ESRP1: variants seen among roughly 807,000 people sequenced by gnomAD.
ESRP1 encodes RNA-binding motif protein 35A.
Under a neutral mutation model 81.7 loss-of-function variants are expected in ESRP1, and 33 were observed. That is an observed-to-expected ratio of 0.40 (90% CI 0.31 to 0.54). The LOEUF is 0.54. Among genes scored for constraint, ESRP1 ranks in the 20% least tolerant of loss-of-function variants. The probability of loss-of-function intolerance (pLI) is 0.41; values close to 1 mark genes in which losing one functional copy is unlikely to be tolerated. For synonymous variants in ESRP1, 320 were observed against 303.3 expected (o/e 1.06, Z -0.57); for missense variants, 672 against 833.1 (o/e 0.81, Z 2.38).
chr8:94,659,070 A>G (rs1296025570), intron 4 of ESRP1, among the ~76,000 whole-genome samples: 1 of 152,048 alleles, frequency 6.6e-6, no homozygotes, highest in Non-Finnish European at 1.5e-5. Flanking sequence ...TATTTTGTAG[A>G]GATGGGGACT....
intron 4 of ESRP1, among the ~76,000 whole-genome samples, chr8:94,648,571 CT>C (rs1817956540): frequency 6.6e-6 from 1 of 152,206 alleles, no homozygotes; most frequent in Admixed American, 6.5e-5. Flanking sequence ...AAACATTTTC[CT>C]TGCCAATATG....
chr8:94,682,745 C>T (rs1010030062), intron 13 of ESRP1, among the ~76,000 whole-genome samples: 7 of 150,918 alleles, frequency 4.6e-5, no homozygotes, highest in African/African-American at 1.7e-4. Context: ...CACAAGTAGA[C>T]TGCGCATGCT....
At chr8:94,651,987 C>CTT (rs35903773) in intron 4 of ESRP1, among the ~76,000 whole-genome samples, 24,631 of 65,142 alleles carry the variant, frequency 0.38, 5,995 homozygotes, top group East Asian at 0.54. Flanking sequence ...TCTAAAACGC[C>CTT]TTTTTTTTTT....
intron 15 of ESRP1, among the ~76,000 whole-genome samples, chr8:94,701,106 T>C (rs1586268947): frequency 6.6e-6 from 1 of 150,712 alleles, no homozygotes; most frequent in South Asian, 2.1e-4. Context: ...AACCCTGTCT[T>C]TACTAAAAAT....
chr8:94,682,616 G>A (rs1210519471), intron 13 of ESRP1, among the ~76,000 whole-genome samples: 3 of 113,874 alleles, frequency 2.6e-5, no homozygotes, highest in Non-Finnish European at 6.2e-5. Flanking sequence ...ATCTTCCCAC[G>A]TCAGCCTCCC....
At chr8:94,689,088 T>C (rs1334328541) in intron 13 of ESRP1, among the ~76,000 whole-genome samples, 2 of 151,996 alleles carry the variant, frequency 1.3e-5, no homozygotes, top group African/African-American at 4.8e-5. Context: ...CTGTCTCTAC[T>C]AAAAATACAA....
chr8:94,687,845 A>G (rs1007859971), intron 13 of ESRP1, among the ~76,000 whole-genome samples: 7 of 152,074 alleles, frequency 4.6e-5, no homozygotes, highest in African/African-American at 1.7e-4. Flanking sequence ...TATTTTCTCC[A>G]ATTCTGTAGG....
chr8:94,660,341 G>A (rs1325503677), intron 4 of ESRP1, among the ~76,000 whole-genome samples: 1 of 152,194 alleles, frequency 6.6e-6, no homozygotes, highest in Non-Finnish European at 1.5e-5. Flanking sequence ...GTGACTCATG[G>A]CTGTAATCCC....
At chr8:94,667,380 C>A (rs1819081072) in intron 9 of ESRP1, among the ~76,000 whole-genome samples, 2 of 150,856 alleles carry the variant, frequency 1.3e-5, no homozygotes, top group Non-Finnish European at 2.9e-5. Context: ...AAGTAGGTAC[C>A]CCATATATTC....
At chr8:94,673,656 G>A (rs1349249261) in intron 11 of ESRP1, among the ~76,000 whole-genome samples, 3 of 152,190 alleles carry the variant, frequency 2.0e-5, no homozygotes, top group Non-Finnish European at 4.4e-5. Context: ...ATGTCTGTTA[G>A]TAATACCTGT....
At position 94,671,460 on chromosome 8, in the gene ESRP1, A is replaced by C; in HGVS notation, c.1241A>C (p.Asn414Thr). The C allele has an allele frequency of 6.2e-7, 1 of 1,612,640 alleles. No individual in the cohort carries two copies. Among genetic ancestry groups the C allele is most frequent in the Non-Finnish European group, 8.5e-7 (1 of 1,179,214 alleles). ...GTTTTGCTTTGAGTACAGGTGCTGA[A>C]TCGATTCTCCTCGGCCCCTCTCATT... ...STAAEVQQVL[N>T]RFSSAPLIPL... is the part of the protein sequence containing the mutation. Residue 414 changes from asparagine to threonine, a missense_variant, in exon 11 of 16, where the codon AAT becomes ACT. Asn to Thr is a moderately conservative substitution (Grantham distance 65). Transcript: ENST00000433389.
At chr8:94,671,696 CTT>C (rs1819337442) in intron 11 of ESRP1, 25 bp downstream of exon 11, 1 of 1,582,346 alleles carries the variant, frequency 6.3e-7, no homozygotes, top group Admixed American at 1.7e-5. Context: ...TAGTGGAAAA[CTT>C]ATTTGCTTTT....
intron 13 of ESRP1, among the ~76,000 whole-genome samples, chr8:94,682,651 G>A (rs1388439741): frequency 1.3e-5 from 2 of 151,430 alleles, no homozygotes; most frequent in African/African-American, 4.8e-5. Context: ...ACAGGTGTGA[G>A]CCACCATGCC....
intron 15 of ESRP1, among the ~76,000 whole-genome samples, chr8:94,704,789 A>C (rs1268040116): frequency 1.7e-5 from 2 of 120,366 alleles, no homozygotes; most frequent in Admixed American, 8.7e-5. Flanking sequence ...AAAAAAAAAA[A>C]AAAACTGCAG....
chr8:94,662,690 CT>C, intron 6 of ESRP1, 135 bp downstream of exon 6: 2 of 685,916 alleles, frequency 2.9e-6, no homozygotes, highest in Non-Finnish European at 4.8e-6. Flanking sequence ...TCACTGCAAG[CT>C]CCGCCTCCCG....
intron 14 of ESRP1, among the ~76,000 whole-genome samples, chr8:94,695,371 T>TC (rs1809559726): frequency 7.1e-5 from 8 of 111,998 alleles, no homozygotes; most frequent in African/African-American, 2.4e-4. Context: ...TTTTTTTTTT[T>TC]TGAGACGGAG....
chr8:94,684,748 CT>C (rs1809066366), intron 13 of ESRP1, among the ~76,000 whole-genome samples: 1 of 152,130 alleles, frequency 6.6e-6, no homozygotes, highest in African/African-American at 2.4e-5. Flanking sequence ...TTTGGCCTCT[CT>C]TTTTTAGTGA....
intron 14 of ESRP1, among the ~76,000 whole-genome samples, chr8:94,696,370 T>A (rs371832712): frequency 5.9e-5 from 9 of 152,252 alleles, no homozygotes; most frequent in African/African-American, 1.9e-4. Flanking sequence ...ATTGTTTCTT[T>A]GGACCTCTCA....
intron 14 of ESRP1, among the ~76,000 whole-genome samples, chr8:94,695,423 C>T (rs1228943300): frequency 1.7e-5 from 2 of 119,336 alleles, no homozygotes; most frequent in Non-Finnish European, 3.2e-5. Context: ...GGCGCAATCT[C>T]GGCTCACTGC....
Sources: allele counts gnomAD v4.1 joint callset (sites outside exome capture counted in the v4.1 genomes callset), GRCh38; gene constraint gnomAD v4.1.1; transcripts MANE v1.5; gene names NCBI Gene and HGNC (gene_info 2026-07-23, HGNC 2026-07-21).